The following YBX1 variants were observed in gnomAD, a reference collection of about 807,000 sequenced individuals.
The protein encoded by YBX1 is Y-box-binding protein 1.
Under a neutral mutation model 41.4 loss-of-function variants are expected in YBX1, and 3 were observed. The observed-to-expected ratio is 0.07, with a 90% confidence interval of 0.03 to 0.19. The LOEUF is 0.19. Ranked by LOEUF, YBX1 falls within the 10% of genes least tolerant of loss-of-function variation. YBX1 has a pLI of 1.00. For synonymous variants in YBX1, 133 were observed against 165.8 expected (o/e 0.80, Z 1.52); for missense variants, 274 against 462.8 (o/e 0.59, Z 3.74).
chr1:42,701,047 G>A lies in YBX1; in HGVS notation c.*31+1G>A. 1 of 1,609,170 alleles carries A rather than the reference G, an allele frequency of 6.2e-7. No individual in the cohort carries two copies. Among genetic ancestry groups the A allele is most frequent in the Non-Finnish European group, 8.5e-7 (1 of 1,175,944 alleles). On this transcript the variant is annotated splice_donor_variant, in intron 7 of 7. Coordinates refer to ENST00000321358, the MANE Select transcript of YBX1 (RefSeq NM_004559.5). LOFTEE classifies it low-confidence loss of function (3UTR_SPLICE). Reference sequence around the variant, plus strand: ...GCTTACCATCTCTACCATCATCCGGGTAAGCAAGCTTGGATGGCCATCCAT... The same window carrying A: ...GCTTACCATCTCTACCATCATCCGGATAAGCAAGCTTGGATGGCCATCCAT...
chr1:42,687,096 A>G (rs1650214279), intron 2 of YBX1, among the ~76,000 whole-genome samples: 1 of 152,166 alleles, frequency 6.6e-6, no homozygotes, highest in African/African-American at 2.4e-5. Context: ...GCCTTTCACT[A>G]TCTACTTTGT....
In YBX1 at chr1:42,696,724, G is replaced by T. The variant is rs932667198; in HGVS notation, c.437G>T (p.Arg146Ile). 6.2e-7 allele frequency: 1 copy of T among 1,613,524 alleles called. No homozygotes were observed. Among genetic ancestry groups the T allele is most frequent in the African/African-American group, 1.3e-5 (1 of 74,874 alleles). The stretch of plus-strand genomic sequence containing the variant: ...TATGCAGCAGACCGTAACCATTATA[G>T]ACGCTATCCACGTCGTAGGGGTCCT... ...SKYAADRNHY[R>I]RYPRRRGPPR... The change falls in exon 5 of 8, where the codon AGA becomes ATA. Residue 146 changes from arginine to isoleucine, a missense_variant. Arg to Ile is a moderately conservative substitution (Grantham distance 97). Around this residue, in one of 3 missense-constraint regions of YBX1, gnomAD observed 187 missense variants for 306.3 expected, o/e 0.61. Transcript: ENST00000321358. The surrounding 1 kb of genome is among the most constrained non-coding windows in gnomAD (Gnocchi z 5.7).
chr1:42,691,113 C>T (rs770525038), intron 2 of YBX1, among the ~76,000 whole-genome samples: 6 of 152,194 alleles, frequency 3.9e-5, no homozygotes, highest in African/African-American at 7.2e-5. Context: ...CAGATCAATA[C>T]ATTTAAATCA....
At chr1:42,697,368 C>A in intron 6 of YBX1, 106 bp downstream of exon 6, 3 of 1,087,210 alleles carry the variant, frequency 2.8e-6, no homozygotes, top group Non-Finnish European at 3.9e-6. Flanking sequence ...TAACACTTCA[C>A]GTTTTCTTTC....
chr1:42,695,756 CAG>C (rs777101336), intron 3 of YBX1, among the ~76,000 whole-genome samples: 15 of 152,184 alleles, frequency 9.9e-5, no homozygotes, highest in Admixed American at 5.2e-4. Flanking sequence ...TACGGTAACA[CAG>C]GGGCAAAGTT....
chr1:42,689,664 T>G (rs577504339), intron 2 of YBX1, among the ~76,000 whole-genome samples: 10 of 152,284 alleles, frequency 6.6e-5, no homozygotes, highest in African/African-American at 2.4e-4. Context: ...TTTGGATGGA[T>G]TGGGCCATGA....
chr1:42,683,222 A>G, intron 1 of YBX1, 181 bp from the exon 2 acceptor site: 1 of 744,562 alleles, frequency 1.3e-6, no homozygotes, highest in Non-Finnish European at 2.4e-6. Context: ...CCCGCGCTTC[A>G]GACTCACCCA....
At chr1:42,683,183 G>T (rs1298616581) in intron 1 of YBX1, 1 of 663,058 alleles carries the variant, frequency 1.5e-6, no homozygotes, top group Non-Finnish European at 2.7e-6. Flanking sequence ...CCATCCTGGG[G>T]CCCGCGCCCC....
At chr1:42,693,357 GC>G (rs1256201555) in intron 2 of YBX1, 132 bp from the exon 3 acceptor site, 1 of 888,630 alleles carries the variant, frequency 1.1e-6, no homozygotes, top group African/African-American at 1.7e-5. Context: ...GAGCATGGTG[GC>G]TTGTGTTTTT....
At position 42,697,166 on chromosome 1, in the gene YBX1, A is replaced by G. The variant is rs1286649422; in HGVS notation, c.658-14A>G. On this transcript the variant is annotated splice_polypyrimidine_tract_variant and intron_variant, in intron 5 of 7. Coordinates refer to ENST00000321358, the MANE Select transcript of YBX1 (RefSeq NM_004559.5). Reference sequence around the variant, plus strand: ...TACTGACCCAGTAGGCTTAATTTCCATTGTCTTTTTCAGGGTGCTGACAAC... The same window carrying G: ...TACTGACCCAGTAGGCTTAATTTCCGTTGTCTTTTTCAGGGTGCTGACAAC... 1.2e-6 allele frequency: 2 copies of G among 1,610,388 alleles called. No homozygotes were observed. The highest frequency in any genetic ancestry group is 1.3e-5 in the African/African-American group (1 of 74,556).
At chr1:42,693,578 G>A (rs1170728893) in intron 3 of YBX1, 55 bp downstream of exon 3, 2 of 1,585,848 alleles carry the variant, frequency 1.3e-6, no homozygotes, top group African/African-American at 1.3e-5. Context: ...AAGAAGAAAA[G>A]GTTAGATATG....
In YBX1 at chr1:42,682,458, C is replaced by G; in HGVS notation, c.-108C>G. The G allele has an allele frequency of 2.4e-6, 3 of 1,232,242 alleles. No individual in the cohort carries two copies. Among genetic ancestry groups the G allele is most frequent in the Non-Finnish European group, 3.1e-6 (3 of 963,984 alleles). 76.3% of individuals were successfully genotyped at this position (1,232,242 alleles called of 1,614,324 possible). A position where few individuals can be genotyped will look rare whatever the true frequency, so the allele number is the denominator to read the frequency against. On this transcript the variant is annotated 5_prime_UTR_variant, in exon 1 of 8. Transcript: ENST00000321358. ...ATCGGTAGCGGGAGCGGAGAGCGGACCCCAGAGAGCCCTGAGCAGCCCCAC... is the reference window on the plus strand; with the variant it reads ...ATCGGTAGCGGGAGCGGAGAGCGGAGCCCAGAGAGCCCTGAGCAGCCCCAC...
rs1650638781 is a variant in YBX1, at chr1:42,702,867, G to A, written c.*918G>A. Reference sequence around the variant, plus strand: ...CCATGGGAAAGCTGCTTAGGAACATGGAGGTTGGTGAGCTTGTAATTATGT... The same window carrying A: ...CCATGGGAAAGCTGCTTAGGAACATAGAGGTTGGTGAGCTTGTAATTATGT... On this transcript the variant is annotated 3_prime_UTR_variant, in exon 8 of 8. Coordinates refer to ENST00000321358, the MANE Select transcript of YBX1 (RefSeq NM_004559.5). 6.6e-6 allele frequency among the ~76,000 whole-genome samples: 1 copy of A among 152,200 alleles called. No homozygotes were observed. The highest frequency in any genetic ancestry group is 2.4e-5 in the African/African-American group (1 of 41,440).
intron 2 of YBX1, among the ~76,000 whole-genome samples, chr1:42,687,667 C>CT (rs941069350): frequency 6.6e-5 from 10 of 152,002 alleles, no homozygotes; most frequent in Non-Finnish European, 1.3e-4. Flanking sequence ...AGTGGAGTCT[C>CT]TCTGTGTTGC....
At chr1:42,693,446 T>C in intron 2 of YBX1, 44 bp from the exon 3 acceptor site, 1 of 1,609,270 alleles carries the variant, frequency 6.2e-7, no homozygotes, top group Non-Finnish European at 8.5e-7. Context: ...CAACATGAGA[T>C]TTATTTCATT....
At chr1:42,682,930 C>T (rs1010443999) in intron 1 of YBX1, 199 bp downstream of exon 1, 8 of 156,302 alleles carry the variant, frequency 5.1e-5, no homozygotes, top group African/African-American at 2.0e-4. Flanking sequence ...CCTCCCGCGC[C>T]CCCTGTGGAC....
At chr1:42,701,093 G>A in intron 7 of YBX1, 47 bp downstream of exon 7, 1 of 1,436,114 alleles carries the variant, frequency 7.0e-7, no homozygotes, top group Non-Finnish European at 9.6e-7. Flanking sequence ...CGTGAGTGGT[G>A]ACCATTTCGT....
In YBX1 at chr1:42,700,859, T is replaced by G; in HGVS notation, c.819T>G (p.Gly273=). ...AAAATCAAGGAGATGAGACCCAAGGTCAGCAGCCACCTCAACGTCGGTACC... is the reference window on the plus strand; with the variant it reads ...AAAATCAAGGAGATGAGACCCAAGGGCAGCAGCCACCTCAACGTCGGTACC... ...DKENQGDETQ[G]QQPPQRRYRR... is the part of the protein sequence containing the mutation. The change falls in exon 7 of 8, where the codon GGT becomes GGG. Residue 273 remains glycine (G), a synonymous_variant. Transcript: ENST00000321358. The G allele has an allele frequency of 5.6e-6, 9 of 1,613,516 alleles. No individual in the cohort carries two copies. The highest frequency in any genetic ancestry group is 7.6e-6 in the Non-Finnish European group (9 of 1,179,844).
chr1:42,699,813 A>G (rs1650550524), intron 6 of YBX1, among the ~76,000 whole-genome samples: 1 of 152,154 alleles, frequency 6.6e-6, no homozygotes, highest in African/African-American at 2.4e-5. Context: ...TGAGAAAACA[A>G]TAAGGAATTA....
Sources: allele counts gnomAD v4.1 joint callset (sites outside exome capture counted in the v4.1 genomes callset), GRCh38; gene constraint gnomAD v4.1.1; regional missense constraint gnomAD v4.1.1; non-coding constraint Gnocchi (gnomAD v3.1); transcripts MANE v1.5; gene names NCBI Gene and HGNC (gene_info 2026-07-23, HGNC 2026-07-21).